The following ZNF44 variants were observed in gnomAD, a reference collection of about 807,000 sequenced individuals.
ZNF44 encodes gonadotropin inducible transcription repressor-2.
A neutral mutation model predicts 11.7 loss-of-function variants in ZNF44; 9 were observed. The observed-to-expected ratio is 0.77, with a 90% CI of 0.46 to 1.35. ZNF44 has a LOEUF of 1.35. ZNF44 is among the 40% of genes most tolerant of loss of function. ZNF44 has a pLI of 0.00. For missense variants in ZNF44, 696 were observed against 743.1 expected (o/e 0.94, Z 0.74); for synonymous variants, 224 against 242.7 (o/e 0.92, Z 0.72).
intron 3 of ZNF44, among the ~76,000 whole-genome samples, chr19:12,227,711 T>G (rs549765328): frequency 5.9e-5 from 9 of 152,376 alleles, no homozygotes; most frequent in Non-Finnish European, 1.0e-4. Context: ...TAATTATTAC[T>G]TATAAGGTAC....
chr19:12,232,662 A>G (rs1434002038), intron 2 of ZNF44, among the ~76,000 whole-genome samples: 3 of 152,222 alleles, frequency 2.0e-5, no homozygotes, highest in Non-Finnish European at 4.4e-5. Flanking sequence ...GGTTGGGACT[A>G]ACGTTATAGA....
chr19:12,250,718 TC>T (rs1301221319), intron 5 of ZNF44: 7 of 454,418 alleles, frequency 1.5e-5, no homozygotes, highest in Non-Finnish European at 3.1e-5. Context: ...CACTCAACAT[TC>T]CATGAGACAC....
At chr19:12,268,181 C>CACACACACA (rs1555739618), downstream of ZNF44, among the ~76,000 whole-genome samples, 4 of 140,640 alleles carry the variant, frequency 2.8e-5, no homozygotes, top group Admixed American at 1.4e-4. Flanking sequence ...CACACACACA[C>CACACACACA]AAGCTCCTTC....
At chr19:12,228,190 C>CAAAG (rs1439415053) in intron 3 of ZNF44, among the ~76,000 whole-genome samples, 123 of 124,028 alleles carry the variant, frequency 9.9e-4, no homozygotes, top group African/African-American at 3.9e-3. Context: ...TTTTTTAAAC[C>CAAAG]TTCAAAACAA....
intron 2 of ZNF44, among the ~76,000 whole-genome samples, chr19:12,234,061 TA>T (rs76369228): frequency 0.076 from 10,162 of 133,286 alleles, 852 homozygotes; most frequent in African/African-American, 0.22. Context: ...GACTCTGTCT[TA>T]AAAAAAAAAA....
chr19:12,269,483 T>C (rs1346934034), downstream of ZNF44, among the ~76,000 whole-genome samples: 48 of 151,870 alleles, frequency 3.2e-4, no homozygotes, highest in Admixed American at 3.1e-3. Flanking sequence ...GATAGCACCA[T>C]TGCACTCCAG....
At chr19:12,293,436 C>G in intron 1 of ZNF44, 2 of 1,476,188 alleles carry the variant, frequency 1.4e-6, no homozygotes, top group Non-Finnish European at 9.0e-7. Context: ...ACTGAGAAGG[C>G]ATCTGTGCCT....
chr19:12,265,311 G>A (rs1222618198), intron 5 of ZNF44, among the ~76,000 whole-genome samples: 2 of 152,092 alleles, frequency 1.3e-5, no homozygotes, highest in East Asian at 3.9e-4. Context: ...GTTGAGATGG[G>A]GAGGTCGAAG....
intron 1 of ZNF44, among the ~76,000 whole-genome samples, chr19:12,290,615 G>T (rs959132048): frequency 4.0e-5 from 6 of 151,360 alleles, no homozygotes; most frequent in Non-Finnish European, 5.9e-5. Context: ...CAGGAGAATC[G>T]CTTGAACCCG....
Position 12,260,291 on chromosome 19 carries a change from G to A in ZNF44, c.1913-9923C>T, listed in dbSNP as rs143699400. 10 of 851,222 alleles carry A rather than the reference G, an allele frequency of 1.2e-5. No individual in the cohort carries two copies. The East Asian group carries it at 2.4e-4, about 21-fold the overall frequency. The allele number at this position is 851,222 out of a possible 1,614,324, so 52.7% of individuals were successfully genotyped here. On this transcript the variant is annotated intron_variant and NMD_transcript_variant, in intron 5 of 7. Transcript: ENST00000393337. Reference sequence around the variant, plus strand: ...CTGTGGGCGTGGAGCCGGCAGCCGAGGACAAAGGTGTGGTGGTGGTCACGA... The same window carrying A: ...CTGTGGGCGTGGAGCCGGCAGCCGAAGACAAAGGTGTGGTGGTGGTCACGA...
downstream of ZNF44, among the ~76,000 whole-genome samples, chr19:12,267,577 AGGG>A: frequency 6.6e-6 from 1 of 152,212 alleles, no homozygotes; most frequent in Middle Eastern, 3.4e-3. Context: ...CTCTGTTGAA[AGGG>A]GCCCAAGAGT....
intron 1 of ZNF44, among the ~76,000 whole-genome samples, chr19:12,285,982 G>A (rs1967725439): frequency 6.6e-6 from 1 of 151,504 alleles, no homozygotes; most frequent in South Asian, 2.1e-4. Flanking sequence ...TCACGCCACT[G>A]CACTCTAGCC....
chr19:12,262,761 A>G (rs1176667327), intron 5 of ZNF44, among the ~76,000 whole-genome samples: 1 of 152,160 alleles, frequency 6.6e-6, no homozygotes. Context: ...CTTACATCAT[A>G]TTTATCAACT....
At chr19:12,262,536 TGGGATTACA>T (rs1017433797) in intron 5 of ZNF44, among the ~76,000 whole-genome samples, 11 of 152,182 alleles carry the variant, frequency 7.2e-5, no homozygotes, top group Admixed American at 1.3e-4. Context: ...CCCAAAGTGT[TGGGATTACA>T]GGCCTGAGCC....
chr19:12,246,071 C>T (rs1040377944), downstream of ZNF44, among the ~76,000 whole-genome samples: 1 of 152,222 alleles, frequency 6.6e-6, no homozygotes, highest in Non-Finnish European at 1.5e-5. Context: ...ATCTGTCTGT[C>T]TCCACGCAGA....
chr19:12,276,018 G>A lies in ZNF44; in HGVS notation c.68C>T (p.Pro23Leu). 6.2e-7 allele frequency: 1 copy of A among 1,609,908 alleles called. No homozygotes were observed. The highest frequency in any genetic ancestry group is 8.5e-7 in the Non-Finnish European group (1 of 1,177,190). ...ATCTCTGTAGAGATTCTTCTGTGATGGACCCAGCAAAGCCCACTCCTCATG... is the reference window on the plus strand; with the variant it reads ...ATCTCTGTAGAGATTCTTCTGTGATAGACCCAGCAAAGCCCACTCCTCATG... ...FTHEEWALLG[P>L]SQKNLYRDVM... The change falls in exon 2 of 4, where the codon CCA becomes CTA. Residue 23 changes from proline (P) to leucine (L), a missense_variant. Pro to Leu is a moderately conservative substitution (Grantham distance 98). Transcript: ENST00000355684.
chr19:12,280,367 C>A (rs1372972507), intron 1 of ZNF44, among the ~76,000 whole-genome samples: 1 of 152,046 alleles, frequency 6.6e-6, no homozygotes, highest in Non-Finnish European at 1.5e-5. Context: ...ATTCCTGAAG[C>A]CAGTATAGTA....
chr19:12,247,468 C>CA (rs1224784019), downstream of ZNF44: 1 of 1,337,830 alleles, frequency 7.5e-7, no homozygotes, highest in Non-Finnish European at 9.9e-7. Flanking sequence ...TGAATTCGTT[C>CA]ATGTATATGA....
chr19:12,256,433 G>A (rs1185571808), intron 5 of ZNF44, among the ~76,000 whole-genome samples: 1 of 152,012 alleles, frequency 6.6e-6, no homozygotes, highest in African/African-American at 2.4e-5. Context: ...AGATTGCAGT[G>A]AGCCGAGATC....
Sources: allele counts gnomAD v4.1 joint callset (sites outside exome capture counted in the v4.1 genomes callset), GRCh38; gene constraint gnomAD v4.1.1; transcripts MANE v1.5; gene names NCBI Gene and HGNC (gene_info 2026-07-23, HGNC 2026-07-21).